Variants in SASH1 observed in about 807,000 individuals in gnomAD.
The protein encoded by SASH1 is SAM and SH3 domain containing 1.
A neutral mutation model predicts 125.2 loss-of-function variants in SASH1; 44 were observed. The ratio of observed to expected loss-of-function variants is 0.35; its 90% CI spans 0.28 to 0.45. SASH1 has a LOEUF of 0.45. SASH1 is among the 20% of genes least tolerant of loss of function. The probability of loss-of-function intolerance (pLI) is 1.00; values close to 1 mark genes in which losing one functional copy is unlikely to be tolerated. For missense variants in SASH1, 1,426 were observed against 1,614.5 expected (o/e 0.88, Z 2.00); for synonymous variants, 639 against 649.1 (o/e 0.98, Z 0.24).
chr6:148,512,324 T>G, intron 8 of SASH1: 1 of 284,154 alleles, frequency 3.5e-6, no homozygotes, highest in Non-Finnish European at 5.3e-6. Context: ...AGAGACATAT[T>G]CTAGGTTTGT....
chr6:148,269,394 C>G (rs1779010406), upstream of SASH1, among the ~76,000 whole-genome samples: 1 of 152,094 alleles, frequency 6.6e-6, no homozygotes, highest in Non-Finnish European at 1.5e-5. Flanking sequence ...CACCATTTCC[C>G]AAGTAGCTAA....
intron 1 of SASH1, among the ~76,000 whole-genome samples, chr6:148,293,553 G>A (rs1286028846): frequency 6.6e-6 from 1 of 152,168 alleles, no homozygotes; most frequent in Non-Finnish European, 1.5e-5. Context: ...CTTGACAGCT[G>A]TACTTTCCCA....
At chr6:148,489,044 A>C (rs1372381541) in intron 8 of SASH1, among the ~76,000 whole-genome samples, 1 of 152,164 alleles carries the variant, frequency 6.6e-6, no homozygotes, top group Non-Finnish European at 1.5e-5. Context: ...ATCATTGCCA[A>C]ATCTAATATC....
At chr6:148,429,546 T>C (rs1775977981) in intron 2 of SASH1, among the ~76,000 whole-genome samples, 2 of 151,710 alleles carry the variant, frequency 1.3e-5, no homozygotes. Flanking sequence ...AGGCCAGGAG[T>C]TTGAGACCAG....
chr6:148,481,571 G>A (rs911296027), intron 7 of SASH1, among the ~76,000 whole-genome samples: 3 of 152,116 alleles, frequency 2.0e-5, no homozygotes, highest in African/African-American at 7.2e-5. Flanking sequence ...CGATTGCAGG[G>A]TTATTAATTG....
At chr6:148,406,102 C>G (rs1455917429) in intron 2 of SASH1, among the ~76,000 whole-genome samples, 1 of 152,194 alleles carries the variant, frequency 6.6e-6, no homozygotes, top group African/African-American at 2.4e-5. Context: ...GTCAGATGGG[C>G]ATTCTTCTCA....
chr6:148,423,008 G>A (rs1252216773), intron 2 of SASH1, among the ~76,000 whole-genome samples: 2 of 152,060 alleles, frequency 1.3e-5, no homozygotes, highest in African/African-American at 4.8e-5. Context: ...GCGTGATCTC[G>A]GCTTACTGCA....
intron 1 of SASH1, among the ~76,000 whole-genome samples, chr6:148,292,751 A>G (rs1426240039): frequency 1.3e-5 from 2 of 152,134 alleles, no homozygotes; most frequent in African/African-American, 4.8e-5. Context: ...CAGGCTTTAA[A>G]AGGTCTATGT....
At chr6:148,517,320 T>G (rs1014037045) in intron 9 of SASH1, among the ~76,000 whole-genome samples, 4 of 152,150 alleles carry the variant, frequency 2.6e-5, no homozygotes, top group African/African-American at 9.7e-5. Context: ...GTTCCTGGCA[T>G]TAAGTCAGCC....
intron 1 of SASH1, among the ~76,000 whole-genome samples, chr6:148,316,604 A>T (rs897184927): frequency 6.6e-6 from 1 of 152,268 alleles, no homozygotes; most frequent in Non-Finnish European, 1.5e-5. Flanking sequence ...GCAGCGCATT[A>T]TCTGGAGTCT....
intron 8 of SASH1, among the ~76,000 whole-genome samples, chr6:148,499,004 G>A (rs1476982357): frequency 6.6e-6 from 1 of 151,158 alleles, no homozygotes. Flanking sequence ...CACTTGTTTT[G>A]AGTCCATTTG....
At chr6:148,332,837 A>G (rs1052089638) in intron 1 of SASH1, among the ~76,000 whole-genome samples, 3 of 152,018 alleles carry the variant, frequency 2.0e-5, no homozygotes, top group Non-Finnish European at 4.4e-5. Flanking sequence ...AATACAAAAA[A>G]TTAGCTGGGC....
At chr6:148,365,319 G>A (rs1782404528) in intron 1 of SASH1, among the ~76,000 whole-genome samples, 1 of 151,800 alleles carries the variant, frequency 6.6e-6, no homozygotes, top group Non-Finnish European at 1.5e-5. Flanking sequence ...ACATTCTTTA[G>A]CACCTACTAT....
Position 148,519,418 on chromosome 6 carries a change from G to A in SASH1, c.863-129G>A. The A allele has an allele frequency of 3.1e-6, 2 of 655,098 alleles. 1 individual carries two copies. Among genetic ancestry groups the A allele is most frequent in the South Asian group, 3.9e-5 (2 of 50,790 alleles). The allele number at this position is 655,098 out of a possible 1,614,324, so 40.6% of individuals were successfully genotyped here. On this transcript the variant is annotated intron_variant, in intron 9 of 19. Coordinates refer to ENST00000367467, the MANE Select transcript of SASH1 (RefSeq NM_015278.5). This position sits in a 1 kb window ranked among gnomAD's most constrained non-coding sequence, Gnocchi z 4.8. ...TTGCACAGTGTATTTTCATTTTTCT[G>A]TACATATGTAAGTGGGAGCTGGGTT... is the stretch of plus-strand genomic sequence containing the variant.
the SASH1 span, among the ~76,000 whole-genome samples, chr6:148,247,116 A>G: frequency 6.6e-6 from 1 of 152,242 alleles, no homozygotes; most frequent in African/African-American, 2.4e-5. Context: ...AGCTTCACAG[A>G]CTTAGAAACC....
chr6:148,516,512 C>A (rs1780451437), intron 9 of SASH1, among the ~76,000 whole-genome samples: 3 of 139,652 alleles, frequency 2.1e-5, no homozygotes, highest in South Asian at 2.6e-4. Context: ...CTCCCCCCTC[C>A]CCCGCCCTTG....
intron 1 of SASH1, among the ~76,000 whole-genome samples, chr6:148,328,462 G>T (rs1321981124): frequency 6.6e-6 from 1 of 151,876 alleles, no homozygotes; most frequent in Admixed American, 6.6e-5. Context: ...GCGCAGTGGT[G>T]GGCACCTGTA....
At chr6:148,260,796 C>CTTTTTTTTTT in the SASH1 span, among the ~76,000 whole-genome samples, 3 of 104,072 alleles carry the variant, frequency 2.9e-5, 1 homozygote, top group Non-Finnish European at 5.4e-5. Context: ...CCTATAAGGG[C>CTTTTTTTTTT]TTTTTTTTTT....
In SASH1 at chr6:148,440,175, C is replaced by G. The variant is rs368275757; in HGVS notation, c.286-9C>G. 8.1e-6 allele frequency: 13 copies of G among 1,613,826 alleles called. No individual in the cohort carries two copies. The African/African-American group carries it at 1.2e-4, about 15-fold the overall frequency. On this transcript the variant is annotated splice_polypyrimidine_tract_variant and intron_variant, in intron 2 of 19. Coordinates refer to ENST00000367467, the MANE Select transcript of SASH1 (RefSeq NM_015278.5). ...AAGTCCCGTTAAACTGGCATCTGTTCTGTTTTAGGAGAAACCCGATGCTAG... is the reference window on the plus strand; with the variant it reads ...AAGTCCCGTTAAACTGGCATCTGTTGTGTTTTAGGAGAAACCCGATGCTAG...
Sources: allele counts gnomAD v4.1 joint callset (sites outside exome capture counted in the v4.1 genomes callset), GRCh38; gene constraint gnomAD v4.1.1; non-coding constraint Gnocchi (gnomAD v3.1); transcripts MANE v1.5; gene names NCBI Gene and HGNC (gene_info 2026-07-23, HGNC 2026-07-21).